The following NFIB variants were observed in gnomAD, a reference collection of about 807,000 sequenced individuals.
NFIB encodes nuclear factor I B.
A neutral mutation model predicts 61.5 loss-of-function variants in NFIB; 11 were observed. The ratio of observed to expected loss-of-function variants is 0.18; its 90% CI spans 0.11 to 0.30. The LOEUF is 0.30. Ranked by LOEUF, NFIB falls within the 10% of genes least tolerant of loss-of-function variation. The pLI is 1.00. For synonymous variants in NFIB, 260 were observed against 216.5 expected (o/e 1.20, Z -1.76); for missense variants, 471 against 608.9 (o/e 0.77, Z 2.38).
chr9:14,486,554 G>A, the NFIB span, among the ~76,000 whole-genome samples: 2 of 152,294 alleles, frequency 1.3e-5, no homozygotes, highest in South Asian at 2.1e-4. Flanking sequence ...ATGACTGGTA[G>A]GGGGAAGAGC....
chr9:14,113,204 C>G, intron 9 of NFIB, 123 bp from the exon 10 acceptor site: 1 of 726,136 alleles, frequency 1.4e-6, no homozygotes, highest in South Asian at 2.1e-5. Context: ...GTCTTCATTT[C>G]TCTTCTCTTT....
chr9:14,200,042 A>T (rs1439064879), intron 2 of NFIB, among the ~76,000 whole-genome samples: 1 of 152,106 alleles, frequency 6.6e-6, no homozygotes, highest in East Asian at 1.9e-4. Flanking sequence ...GAATCCAGGG[A>T]CCTGGAGCCT....
At chr9:14,243,596 T>C (rs1432758537) in intron 2 of NFIB, among the ~76,000 whole-genome samples, 1 of 132,850 alleles carries the variant, frequency 7.5e-6, no homozygotes, top group Non-Finnish European at 1.7e-5. Flanking sequence ...TAGATTTACC[T>C]AATTGGGTAT....
At chr9:14,140,369 G>C (rs538090388) in intron 6 of NFIB, among the ~76,000 whole-genome samples, 4 of 152,252 alleles carry the variant, frequency 2.6e-5, no homozygotes, top group South Asian at 4.1e-4. Context: ...GTTTGGACTA[G>C]AGCACTGTGT....
chr9:14,396,307 T>C (rs983423603), intron 1 of NFIB, among the ~76,000 whole-genome samples: 4 of 152,024 alleles, frequency 2.6e-5, no homozygotes, highest in African/African-American at 4.8e-5. Context: ...AGAGGCTTAA[T>C]GTTAAATTAT....
the NFIB span, among the ~76,000 whole-genome samples, chr9:14,424,031 C>T: frequency 3.3e-5 from 5 of 151,748 alleles, no homozygotes; most frequent in Admixed American, 6.6e-5. Context: ...GGGGTGGGGG[C>T]TGGGTATGCT....
intron 2 of NFIB, among the ~76,000 whole-genome samples, chr9:14,277,814 A>C (rs1179198546): frequency 6.6e-6 from 1 of 152,190 alleles, no homozygotes; most frequent in Non-Finnish European, 1.5e-5. Flanking sequence ...TTGTACTTGA[A>C]CATCCAGTGT....
chr9:14,424,548 T>C, the NFIB span, among the ~76,000 whole-genome samples: 1 of 152,304 alleles, frequency 6.6e-6, no homozygotes, highest in Non-Finnish European at 1.5e-5. Flanking sequence ...TTCCTCGGAC[T>C]ACCCAATTAG....
intron 2 of NFIB, among the ~76,000 whole-genome samples, chr9:14,259,996 A>C (rs946178972): frequency 6.6e-6 from 1 of 152,220 alleles, no homozygotes; most frequent in African/African-American, 2.4e-5. Context: ...TAGGCCTCCA[A>C]TACAACCTGA....
intron 2 of NFIB, among the ~76,000 whole-genome samples, chr9:14,288,426 T>C (rs2132509002): frequency 6.6e-6 from 1 of 152,250 alleles, no homozygotes; most frequent in Admixed American, 6.5e-5. Flanking sequence ...ATTCTTTTAT[T>C]AACTTTTTTT....
chr9:14,394,804 T>C (rs1404845438), intron 1 of NFIB, among the ~76,000 whole-genome samples: 2 of 152,198 alleles, frequency 1.3e-5, no homozygotes, highest in African/African-American at 2.4e-5. Context: ...GTTACTGAAC[T>C]GCCCTAAGTC....
At chr9:14,194,245 A>G (rs1413462418) in intron 2 of NFIB, among the ~76,000 whole-genome samples, 1 of 152,210 alleles carries the variant, frequency 6.6e-6, no homozygotes, top group African/African-American at 2.4e-5. Flanking sequence ...AAGTCTAGCA[A>G]TAACTTTCAC....
intron 1 of NFIB, among the ~76,000 whole-genome samples, chr9:14,384,056 C>T (rs73641919): frequency 1.9e-4 from 29 of 152,324 alleles, no homozygotes; most frequent in African/African-American, 7.0e-4. Flanking sequence ...CCACTTAGCC[C>T]GCTCTTGCTT....
At position 14,244,605 on chromosome 9, in the gene NFIB, C is replaced by A. The variant is rs193260681; in HGVS notation, c.562+62384G>T. 4.6e-5 allele frequency among the ~76,000 whole-genome samples: 7 copies of A among 152,296 alleles called. 1 individual carries two copies. Among genetic ancestry groups the A allele is most frequent in the Non-Finnish European group, 1.0e-4 (7 of 68,026 alleles). ...ACTGCTTAGTAACTTTGCAGCATATCAAAGTTCACAAACCATGCCCAGTTC... is the reference window on the plus strand; with the variant it reads ...ACTGCTTAGTAACTTTGCAGCATATAAAAGTTCACAAACCATGCCCAGTTC... On this transcript the variant is annotated intron_variant, in intron 2 of 10. Transcript: ENST00000380953.
chr9:14,135,672 T>G (rs1340466680), intron 6 of NFIB, among the ~76,000 whole-genome samples: 4 of 151,762 alleles, frequency 2.6e-5, no homozygotes, highest in Non-Finnish European at 5.9e-5. Context: ...AAGTATCTCC[T>G]TATATATATA....
chr9:14,128,880 G>C (rs1292838046), intron 6 of NFIB, among the ~76,000 whole-genome samples: 1 of 151,656 alleles, frequency 6.6e-6, no homozygotes, highest in Non-Finnish European at 1.5e-5. Flanking sequence ...ATAAATCAAG[G>C]GTGTTTATAT....
chr9:14,330,799 C>G (rs954138278), intron 1 of NFIB, among the ~76,000 whole-genome samples: 1 of 152,078 alleles, frequency 6.6e-6, no homozygotes, highest in Non-Finnish European at 1.5e-5. Context: ...TACAGTTACT[C>G]TCTTGGTGGG....
intron 7 of NFIB, among the ~76,000 whole-genome samples, chr9:14,124,032 G>A (rs867271802): frequency 6.6e-6 from 1 of 151,912 alleles, no homozygotes; most frequent in Admixed American, 6.6e-5. Context: ...CAATGACGTG[G>A]CCCCACTCTC....
the NFIB span, among the ~76,000 whole-genome samples, chr9:14,409,914 T>C: frequency 6.6e-6 from 1 of 152,180 alleles, no homozygotes; most frequent in Non-Finnish European, 1.5e-5. Context: ...TTAAAACCTG[T>C]TGCTAAAGCA....
Sources: gnomAD v4.1 joint callset for allele counts (sites outside exome capture counted in the v4.1 genomes callset) on GRCh38, gnomAD v4.1.1 for gene constraint, MANE v1.5 for transcripts, NCBI Gene and HGNC (gene_info 2026-07-23, HGNC 2026-07-21) for gene names.